The following FIGN variants were observed in gnomAD, a reference collection of about 807,000 sequenced individuals.
The protein encoded by FIGN is fidgetin.
A neutral mutation model predicts 51.3 loss-of-function variants in FIGN; 11 were observed. The observed-to-expected ratio is 0.21, with a 90% CI of 0.13 to 0.35. FIGN has a LOEUF of 0.35. Ranked by LOEUF, FIGN falls within the 10% of genes least tolerant of loss-of-function variation. The pLI is 1.00. For synonymous variants in FIGN, 407 were observed against 363.2 expected, an observed-to-expected ratio of 1.12 and a Z score of -1.37; for missense variants, 857 against 943.6, an observed-to-expected ratio of 0.91 and a Z score of 1.20.
At chr2:163,707,134 T>C (rs1559027951) in intron 2 of FIGN, among the ~76,000 whole-genome samples, 1 of 152,130 alleles carries the variant, frequency 6.6e-6, no homozygotes, top group Non-Finnish European at 1.5e-5. Flanking sequence ...ACCATGTTTA[T>C]CTGTCAAAAC....
At chr2:163,725,089 A>T (rs1684819399) in intron 2 of FIGN, among the ~76,000 whole-genome samples, 1 of 152,102 alleles carries the variant, frequency 6.6e-6, no homozygotes, top group Admixed American at 6.6e-5. Context: ...GTTGTCCATG[A>T]CAACAAATGC....
intron 2 of FIGN, among the ~76,000 whole-genome samples, chr2:163,673,562 C>T (rs1453153828): frequency 6.6e-6 from 1 of 152,060 alleles, no homozygotes; most frequent in Non-Finnish European, 1.5e-5. Flanking sequence ...TTCATTAATA[C>T]CTTCATTTAA....
At chr2:163,686,809 C>A (rs896020987) in intron 2 of FIGN, among the ~76,000 whole-genome samples, 6 of 144,220 alleles carry the variant, frequency 4.2e-5, no homozygotes, top group African/African-American at 1.5e-4. Context: ...TATATATATT[C>A]TTTTTAAAGT....
chr2:163,611,427 G>A lies in FIGN; in HGVS notation c.405C>T (p.Val135=). 1 of 1,614,146 alleles carries A rather than the reference G, an allele frequency of 6.2e-7. No homozygotes were observed. The part of the protein sequence containing the change: ...PDVITASKAG[V]SSALPPADVS... ...CATCTGCTGGAGGGAGGGCTGAACT[G>A]ACTCCAGCTTTGCTGGCAGTGATAA... is the stretch of plus-strand genomic sequence containing the variant. The change falls in exon 3 of 3, where the codon GTC becomes GTT. Residue 135 remains valine, a synonymous_variant. Transcript: ENST00000333129.
At chr2:163,712,928 CGTT>C (rs1684610512) in intron 2 of FIGN, among the ~76,000 whole-genome samples, 1 of 152,078 alleles carries the variant, frequency 6.6e-6, no homozygotes, top group African/African-American at 2.4e-5. Context: ...CTAAAGTAAA[CGTT>C]GGTGAAATAG....
At chr2:163,642,690 C>A (rs1683322635) in intron 2 of FIGN, among the ~76,000 whole-genome samples, 1 of 152,068 alleles carries the variant, frequency 6.6e-6, no homozygotes, top group Non-Finnish European at 1.5e-5. Context: ...GTTTGTATCA[C>A]CAGCAGCTAA....
rs536285709 is a variant in FIGN, at chr2:163,663,534, G to A, written c.26-51728C>T. Among the ~76,000 whole-genome samples, 32 of 151,180 alleles carry A rather than the reference G, an allele frequency of 2.1e-4. No homozygotes were observed. In the South Asian group the frequency reaches 3.8e-3, roughly 18 times the overall value. On this transcript the variant is annotated intron_variant, in intron 2 of 2. Coordinates refer to ENST00000333129, the MANE Select transcript of FIGN (RefSeq NM_018086.4). ...TTTTTAGTAGAGACGGGGTTTCTCC[G>A]TGTTAGTCAGGCTGGTCTCAAACTC...
chr2:163,611,161 G>A lies in FIGN; in HGVS notation c.671C>T (p.Pro224Leu). 1 of 1,614,142 alleles carries A rather than the reference G, an allele frequency of 6.2e-7. No homozygotes were observed. The highest frequency in any genetic ancestry group is 8.5e-7 in the Non-Finnish European group (1 of 1,180,022). Reference sequence around the variant, plus strand: ...CAAGGCTGGTGGCGGAGGAGGTGGTGGTGGGGGCTGTAGTAGCCCAGAGCT... The same window carrying A: ...CAAGGCTGGTGGCGGAGGAGGTGGTAGTGGGGGCTGTAGTAGCCCAGAGCT... Reference protein sequence around the residue: ...LHSSGLLQPPPPPPPPPALVP... With the variant: ...LHSSGLLQPPLPPPPPPALVP... Residue 224 changes from proline to leucine, a missense_variant, in exon 3 of 3, where the codon CCA becomes CTA. By Grantham distance (98) the Pro-to-Leu change is moderately conservative (BLOSUM62 -3). This residue lies in a region of FIGN where 799 missense variants were observed against 849.5 expected (regional missense o/e 0.94). Transcript: ENST00000333129.
chr2:163,718,042 A>G, intron 2 of FIGN, among the ~76,000 whole-genome samples: 1 of 150,894 alleles, frequency 6.6e-6, no homozygotes, highest in South Asian at 2.2e-4. Flanking sequence ...AATGTTGATC[A>G]TGTTGGAAAG....
At chr2:163,623,965 T>C (rs1214731434) in intron 2 of FIGN, among the ~76,000 whole-genome samples, 1 of 152,124 alleles carries the variant, frequency 6.6e-6, no homozygotes, top group Non-Finnish European at 1.5e-5. Flanking sequence ...AAAATGTTAC[T>C]AGAGTACCCA....
chr2:163,727,243 C>T (rs1684851665), intron 2 of FIGN, among the ~76,000 whole-genome samples: 2 of 151,674 alleles, frequency 1.3e-5, no homozygotes, highest in Non-Finnish European at 1.5e-5. Flanking sequence ...TACAAGATTC[C>T]AAGTATAGGA....
intron 2 of FIGN, among the ~76,000 whole-genome samples, chr2:163,675,524 GTA>G (rs1683943562): frequency 1.3e-5 from 2 of 152,170 alleles, no homozygotes; most frequent in Non-Finnish European, 2.9e-5. Flanking sequence ...CCAACAATCT[GTA>G]CTTTAACAAG....
intron 2 of FIGN, chr2:163,612,723 T>A: frequency 7.3e-6 from 2 of 273,910 alleles, no homozygotes; most frequent in Non-Finnish European, 1.1e-5. Flanking sequence ...TGTGTGTATT[T>A]ATACACATCC....
intron 2 of FIGN, among the ~76,000 whole-genome samples, chr2:163,685,390 A>G (rs886073547): frequency 6.6e-6 from 1 of 152,144 alleles, no homozygotes; most frequent in African/African-American, 2.4e-5. Flanking sequence ...TACTTTAATA[A>G]TCTCTCAGAC....
Position 163,608,695 on chromosome 2 carries a change from G to C in FIGN, c.*857C>G, listed in dbSNP as rs553338092. On this transcript the variant is annotated 3_prime_UTR_variant, in exon 3 of 3. Coordinates refer to ENST00000333129, the MANE Select transcript of FIGN (RefSeq NM_018086.4). ...GGTTAATTCCCCATAATTAGTAAAA[G>C]AACTTAAAAAAATCCTTCCATTTCT... 1 of 152,358 alleles carries C rather than the reference G, an allele frequency of 6.6e-6. No individual in the cohort carries two copies. Among genetic ancestry groups the C allele is most frequent in the African/African-American group, 2.4e-5 (1 of 41,496 alleles). The allele number at this position is 152,358 out of a possible 1,614,324, so 9.4% of individuals were successfully genotyped here.
chr2:163,694,446 G>C (rs1448136185), intron 2 of FIGN, among the ~76,000 whole-genome samples: 1 of 152,098 alleles, frequency 6.6e-6, no homozygotes, highest in African/African-American at 2.4e-5. Context: ...TAACTTACTT[G>C]ACAATGGAAT....
Position 163,603,141 on chromosome 2 carries a change from C to T in FIGN, c.*6411G>A, listed in dbSNP as rs1164415080. On this transcript the variant is annotated 3_prime_UTR_variant, in exon 3 of 3. Coordinates refer to ENST00000333129, the MANE Select transcript of FIGN (RefSeq NM_018086.4). ...TAATTTAAGCTTTCATCATCTAAAG[C>T]TTGTCATTTTTTTCCAAGAGAAATG... The T allele has an allele frequency of 6.6e-6, 1 of 151,998 alleles. No individual in the cohort carries two copies. Among genetic ancestry groups the T allele is most frequent in the Non-Finnish European group, 1.5e-5 (1 of 67,976 alleles). 9.4% of individuals were successfully genotyped at this position (151,998 alleles called of 1,614,324 possible). A position where few individuals can be genotyped will look rare whatever the true frequency, so the allele number is the denominator to read the frequency against.
chr2:163,668,035 T>A (rs1390847646), intron 2 of FIGN, among the ~76,000 whole-genome samples: 1 of 80,338 alleles, frequency 1.2e-5, no homozygotes, highest in Non-Finnish European at 2.3e-5. Flanking sequence ...CAAAAAACCC[T>A]CCACAAGTAA....
At chr2:163,655,804 C>CACACAGAGAG (rs374458554) in intron 2 of FIGN, among the ~76,000 whole-genome samples, 12 of 145,848 alleles carry the variant, frequency 8.2e-5, no homozygotes, top group African/African-American at 3.0e-4. Context: ...CACACACACA[C>CACACAGAGAG]AGAGAGAGAG....
Sources: gnomAD v4.1 joint callset for allele counts (sites outside exome capture counted in the v4.1 genomes callset) on GRCh38, gnomAD v4.1.1 for gene constraint, gnomAD v4.1.1 regional missense constraint, MANE v1.5 for transcripts, NCBI Gene and HGNC (gene_info 2026-07-23, HGNC 2026-07-21) for gene names.